Variants in KANSL1 observed in about 807,000 individuals in gnomAD.
KANSL1 encodes the protein KAT8 regulatory NSL complex subunit 1, also known as MLL1/MLL complex subunit KANSL1.
Under a neutral mutation model 103.6 loss-of-function variants are expected in KANSL1, and 22 were observed. The ratio of observed to expected loss-of-function variants is 0.21; its 90% CI spans 0.15 to 0.30. KANSL1 has a LOEUF of 0.30. Among genes scored for constraint, KANSL1 ranks in the 10% least tolerant of loss-of-function variants. The pLI, the probability that KANSL1 is intolerant of heterozygous loss-of-function variation, is 1.00. For missense variants in KANSL1, 1,337 were observed against 1,399.8 expected, an observed-to-expected ratio of 0.96 and a Z score of 0.72; for synonymous variants, 600 against 527.6, an observed-to-expected ratio of 1.14 and a Z score of -1.88.
chr17:46,193,585 G>A (rs1013748797), upstream of KANSL1: 9 of 173,808 alleles, frequency 5.2e-5, no homozygotes, highest in Non-Finnish European at 9.9e-5. Flanking sequence ...CAGGAGGCGC[G>A]GCCGCCGCCG....
intron 1 of KANSL1, among the ~76,000 whole-genome samples, chr17:46,181,725 C>A (rs2046804002): frequency 1.3e-5 from 2 of 152,214 alleles, no homozygotes; most frequent in African/African-American, 4.8e-5. Flanking sequence ...AGCCACCACA[C>A]CCAGCCCCTC....
chr17:46,161,358 C>T (rs975044916), intron 2 of KANSL1, among the ~76,000 whole-genome samples: 4 of 151,904 alleles, frequency 2.6e-5, no homozygotes, highest in Non-Finnish European at 2.9e-5. Flanking sequence ...ATGGCGTGAA[C>T]CTGGAAGTTG....
chr17:46,145,129 T>C (rs146954442), intron 2 of KANSL1, among the ~76,000 whole-genome samples: 2 of 116,532 alleles, frequency 1.7e-5, no homozygotes, highest in Non-Finnish European at 3.7e-5. Flanking sequence ...ACTTGCTTCT[T>C]ATATTCTGCT....
Position 46,039,073 on chromosome 17 carries a change from G to T in KANSL1, c.2346C>A (p.Asn782Lys). The T allele has an allele frequency of 6.2e-7, 1 of 1,612,506 alleles. No homozygotes were observed. The highest frequency in any genetic ancestry group is 8.5e-7 in the Non-Finnish European group (1 of 1,179,844). Residue 782 changes from asparagine to lysine, a missense_variant, in exon 9 of 15, where the codon AAC becomes AAA. Coordinates refer to ENST00000432791, the MANE Select transcript of KANSL1 (RefSeq NM_015443.4). ...LNPPPPVHDP[N>K]HSKMRLRDHS... is the part of the protein sequence containing the mutation. Reference sequence around the variant, plus strand: ...GGTCTCGCAATCTCATTTTGCTGTGGTTTGGGTCATGCACGGGTGGTGGTG... The same window carrying T: ...GGTCTCGCAATCTCATTTTGCTGTGTTTTGGGTCATGCACGGGTGGTGGTG...
At chr17:46,058,534 T>C (rs2078010608) in intron 6 of KANSL1, among the ~76,000 whole-genome samples, 2 of 152,328 alleles carry the variant, frequency 1.3e-5, no homozygotes, top group South Asian at 2.1e-4. Context: ...AAATAAAACA[T>C]TGTTAGATAT....
At chr17:46,197,843 C>T (rs985236948), upstream of KANSL1, among the ~76,000 whole-genome samples, 2 of 152,236 alleles carry the variant, frequency 1.3e-5, no homozygotes, top group African/African-American at 2.4e-5. Flanking sequence ...CAAAAAGGCA[C>T]TCTCTACCTT....
rs537727360 is a variant in KANSL1, at chr17:46,097,752, G to A, written c.1290-3051C>T. ...TCCCATCAGGATACACACACTCACT[G>A]CTAAAACTTATGACTATAGGTGAAC... On this transcript the variant is annotated intron_variant, in intron 2 of 14. Coordinates refer to ENST00000432791, the MANE Select transcript of KANSL1 (RefSeq NM_015443.4). 1.5e-3 allele frequency among the ~76,000 whole-genome samples: 224 copies of A among 152,190 alleles called. 1 individual carries two copies. The highest frequency in any genetic ancestry group is 5.2e-3 in the African/African-American group (217 of 41,452).
chr17:46,062,114 C>CAAAAAAAAAAAAAAAAAAAAA (rs1192815524), intron 6 of KANSL1, among the ~76,000 whole-genome samples: 2 of 37,106 alleles, frequency 5.4e-5, no homozygotes, highest in Admixed American at 3.5e-4. Context: ...AAAAAACAAA[C>CAAAAAAAAAAAAAAAAAAAAA]AAACAAAAAA....
intron 2 of KANSL1, among the ~76,000 whole-genome samples, chr17:46,107,291 C>T (rs1339362276): frequency 6.6e-6 from 1 of 152,202 alleles, no homozygotes; most frequent in East Asian, 1.9e-4. Context: ...ACGGCAAATA[C>T]TCATTATTCT....
At chr17:46,064,038 A>G (rs946040849) in intron 6 of KANSL1, among the ~76,000 whole-genome samples, 4 of 144,942 alleles carry the variant, frequency 2.8e-5, no homozygotes, top group Non-Finnish European at 6.0e-5. Context: ...TCTTTTAGAG[A>G]TATACGACTA....
chr17:46,039,334 G>T, intron 8 of KANSL1, 119 bp from the exon 9 acceptor site: 1 of 932,624 alleles, frequency 1.1e-6, no homozygotes, highest in Non-Finnish European at 1.5e-6. Context: ...CAGCAGGACA[G>T]TCCTTCAGGA....
rs755296202 is a variant in KANSL1, at chr17:46,094,697, G to A, written c.1294C>T (p.Arg432Cys). The stretch of plus-strand genomic sequence containing the variant: ...GCAGCCCATTTCCATTCTGACCTGC[G>A]TCTCCTAAAAGGAAATAAACTGAGT... ...DPEQRHVPLR[R>C]RSEWKWAADR... Residue 432 changes from arginine to cysteine, a missense_variant, in exon 3 of 15, where the codon CGC becomes TGC. By Grantham distance (180) the Arg-to-Cys change is radical (BLOSUM62 -3). Coordinates refer to ENST00000432791, the MANE Select transcript of KANSL1 (RefSeq NM_015443.4). 24 of 1,613,944 alleles carry A rather than the reference G, an allele frequency of 1.5e-5. No individual in the cohort carries two copies. The highest frequency in any genetic ancestry group is 5.3e-5 in the African/African-American group (4 of 74,864).
chr17:46,181,495 T>C (rs2046792125), intron 1 of KANSL1, among the ~76,000 whole-genome samples: 1 of 152,096 alleles, frequency 6.6e-6, no homozygotes, highest in South Asian at 2.1e-4. Flanking sequence ...GATGGCGCGA[T>C]CTCCGCTCAC....
At chr17:46,095,358 A>G (rs539799402) in intron 2 of KANSL1, among the ~76,000 whole-genome samples, 24 of 152,368 alleles carry the variant, frequency 1.6e-4, no homozygotes, top group African/African-American at 5.5e-4. Flanking sequence ...ATAAAGGACC[A>G]ACAGCAAGAA....
intron 1 of KANSL1, among the ~76,000 whole-genome samples, chr17:46,201,782 G>T (rs552420225): frequency 6.6e-6 from 1 of 152,236 alleles, no homozygotes; most frequent in South Asian, 2.1e-4. Context: ...CATGGCAGGT[G>T]AATCACTTGA....
At chr17:46,088,825 G>T (rs755505349) in intron 3 of KANSL1, 6 of 152,382 alleles carry the variant, frequency 3.9e-5, no homozygotes, top group Non-Finnish European at 8.8e-5. Flanking sequence ...GGAGTTTCAG[G>T]TTACAAAGAA....
At chr17:46,073,119 G>T (rs1052603867) in intron 4 of KANSL1, among the ~76,000 whole-genome samples, 1 of 152,172 alleles carries the variant, frequency 6.6e-6, no homozygotes, top group African/African-American at 2.4e-5. Flanking sequence ...CCTAGAGACT[G>T]CAAAACTTCA....
At chr17:46,140,888 T>G (rs2044385843) in intron 2 of KANSL1, among the ~76,000 whole-genome samples, 1 of 152,170 alleles carries the variant, frequency 6.6e-6, no homozygotes. Flanking sequence ...TTGGCAAGAA[T>G]GTGGAGAGAA....
intron 2 of KANSL1, among the ~76,000 whole-genome samples, chr17:46,165,264 G>A (rs1026035317): frequency 1.3e-5 from 2 of 151,822 alleles, no homozygotes; most frequent in Admixed American, 6.6e-5. Context: ...ATGGAGTCTC[G>A]CTCTGTCGCC....
Sources: gnomAD v4.1 joint callset for allele counts (sites outside exome capture counted in the v4.1 genomes callset) on GRCh38, gnomAD v4.1.1 for gene constraint, MANE v1.5 for transcripts, NCBI Gene and HGNC (gene_info 2026-07-23, HGNC 2026-07-21) for gene names.